The following F8 variants were observed in gnomAD, a reference collection of about 807,000 sequenced individuals.
The protein encoded by F8 is antihemophilic factor.
Under a neutral mutation model 140.6 loss-of-function variants are expected in F8, and 12 were observed. That is an observed-to-expected ratio of 0.09 (90% confidence interval 0.05 to 0.14). F8 has a LOEUF of 0.14. Ranked by LOEUF, F8 falls within the 10% of genes least tolerant of loss-of-function variation. The pLI is 1.00. For synonymous variants in F8, 585 were observed against 614.6 expected, an observed-to-expected ratio of 0.95 and a Z score of 0.71; for missense variants, 1,354 against 1,720.7, an observed-to-expected ratio of 0.79 and a Z score of 3.77.
At chrX:154,888,413 G>A (rs1302779986) in intron 22 of F8, among the ~76,000 whole-genome samples, 4 of 6,304 alleles carry the variant, frequency 6.3e-4, no homozygotes, top group Non-Finnish European at 1.1e-3. Flanking sequence ...TTTTCCCCCC[G>A]AGATGGAGTC....
intron 25 of F8, among the ~76,000 whole-genome samples, chrX:154,850,529 G>A (rs1443509034): frequency 9.6e-6 from 1 of 103,758 alleles, no homozygotes; most frequent in Non-Finnish European, 2.0e-5. Context: ...TCCCAGGCTG[G>A]AGTGCAGTGG....
At chrX:154,970,479 C>CT (rs2073450817) in intron 6 of F8, among the ~76,000 whole-genome samples, 1 of 111,530 alleles carries the variant, frequency 9.0e-6, no homozygotes, top group Non-Finnish European at 1.9e-5. Flanking sequence ...TACTGATAAA[C>CT]TTTTTTTACA....
intron 14 of F8, among the ~76,000 whole-genome samples, chrX:154,912,425 T>A (rs2124013071): frequency 8.9e-6 from 1 of 112,669 alleles, no homozygotes; most frequent in African/African-American, 3.2e-5. Context: ...CATGTGGATA[T>A]CCAGTTTTCC....
intron 14 of F8, among the ~76,000 whole-genome samples, chrX:154,907,984 C>T (rs1004089807): frequency 5.4e-5 from 6 of 110,715 alleles, no homozygotes; most frequent in Non-Finnish European, 1.1e-4. Flanking sequence ...TAAAAAAAAA[C>T]CTTATTGGCT....
intron 1 of F8, among the ~76,000 whole-genome samples, chrX:155,016,405 A>G (rs1028172794): frequency 1.8e-5 from 2 of 112,026 alleles, no homozygotes; most frequent in African/African-American, 3.2e-5. Flanking sequence ...CACTTACCAT[A>G]TGATCCAGCA....
chrX:154,856,048 CA>C (rs1557272448), intron 25 of F8, among the ~76,000 whole-genome samples: 1 of 112,168 alleles, frequency 8.9e-6, no homozygotes, highest in East Asian at 2.8e-4. Flanking sequence ...AGGCCTCTAA[CA>C]GTTTAATTGG....
intron 13 of F8, among the ~76,000 whole-genome samples, chrX:154,932,963 AGAGATT>A (rs1416437129): frequency 9.0e-6 from 1 of 111,506 alleles, no homozygotes; most frequent in Non-Finnish European, 1.9e-5. Flanking sequence ...GGAAACAATT[AGAGATT>A]CTCGTCAAAC....
intron 11 of F8, among the ~76,000 whole-genome samples, chrX:154,954,848 C>G (rs1370992229): frequency 8.9e-6 from 1 of 111,869 alleles, no homozygotes; most frequent in Non-Finnish European, 1.9e-5. Flanking sequence ...AAAATTTATA[C>G]TTCTCTGAGT....
intron 13 of F8, among the ~76,000 whole-genome samples, chrX:154,933,622 C>T (rs1033178923): frequency 2.7e-5 from 3 of 111,737 alleles, no homozygotes; most frequent in African/African-American, 6.5e-5. Flanking sequence ...TGTTTAAGGA[C>T]GAGAAAACAT....
chrX:154,942,050 C>A (rs1419004193), intron 13 of F8, among the ~76,000 whole-genome samples: 2 of 101,144 alleles, frequency 2.0e-5, no homozygotes, highest in Non-Finnish European at 4.0e-5. Flanking sequence ...ACTAAATGCC[C>A]ACAAGAGAAA....
chrX:154,888,408 C>CTTTTTTTTTTTA (rs1557274896), intron 22 of F8, among the ~76,000 whole-genome samples: 1 of 53,370 alleles, frequency 1.9e-5, no homozygotes, highest in East Asian at 5.8e-4. Flanking sequence ...TTTTTTTTTC[C>CTTTTTTTTTTTA]CCCCGAGATG....
chrX:154,953,246 T>C (rs1557280877), intron 12 of F8, among the ~76,000 whole-genome samples: 3 of 112,248 alleles, frequency 2.7e-5, no homozygotes, highest in Admixed American at 9.5e-5. Flanking sequence ...CATGTGACTA[T>C]ACCTGGAGAT....
At chrX:154,877,272 A>G (rs1557274095) in intron 22 of F8, among the ~76,000 whole-genome samples, 1 of 111,664 alleles carries the variant, frequency 9.0e-6, no homozygotes, top group East Asian at 2.8e-4. Context: ...ATGTCAAAAT[A>G]GGGAGAATAT....
In F8 at chrX:154,966,143, T is replaced by C; in HGVS notation, c.1272-2A>G. 8.3e-7 allele frequency: 1 copy of C among 1,205,965 alleles called. No individual in the cohort carries two copies. The highest frequency in any genetic ancestry group is 3.0e-5 in the East Asian group (1 of 33,831). On this transcript the variant is annotated splice_acceptor_variant, in intron 8 of 25. Transcript: ENST00000360256. LOFTEE classifies it high-confidence loss of function. ...TTCAAATATTGACTTTTATAACTTCTGTATAAGAGAAAAAAAGATGAGAGG... is the reference window on the plus strand; with the variant it reads ...TTCAAATATTGACTTTTATAACTTCCGTATAAGAGAAAAAAAGATGAGAGG...
chrX:154,945,110 G>A (rs1336433526), intron 13 of F8, among the ~76,000 whole-genome samples: 1 of 110,063 alleles, frequency 9.1e-6, no homozygotes, highest in Non-Finnish European at 1.9e-5. Flanking sequence ...CATGGCACAT[G>A]TATACATATG....
chrX:154,959,422 A>G (rs1390761598), intron 10 of F8, among the ~76,000 whole-genome samples: 1 of 111,798 alleles, frequency 8.9e-6, no homozygotes, highest in African/African-American at 3.3e-5. Context: ...CAAGCAATAC[A>G]TAGAATGATT....
chrX:154,860,483 G>A lies in F8; in HGVS notation c.6849C>T (p.Ser2283=), dbSNP rs1319284046. ...SMYVKEFLIS[S]SQDGHQWTLF... ...GAGTCCACTGATGGCCATCTTGACT[G>A]CTGGAGATGAGGAACTCCTTCACAT... Residue 2283 remains serine (S), a synonymous_variant, in exon 25 of 26, where the codon AGC becomes AGT. Transcript: ENST00000360256. The A allele has an allele frequency of 5.8e-6, 7 of 1,209,190 alleles. No homozygotes were observed. Among genetic ancestry groups the A allele is most frequent in the African/African-American group, 1.8e-5 (1 of 56,976 alleles).
intron 1 of F8, among the ~76,000 whole-genome samples, chrX:155,011,656 T>C (rs186824691): frequency 5.3e-5 from 6 of 112,245 alleles, no homozygotes; most frequent in Admixed American, 1.9e-4. Flanking sequence ...AATCCAAAAG[T>C]CCATCAACAG....
chrX:154,842,870 A>G (rs1359920185), intron 25 of F8, among the ~76,000 whole-genome samples: 1 of 111,444 alleles, frequency 9.0e-6, no homozygotes, highest in Non-Finnish European at 1.9e-5. Context: ...ATATGTATAC[A>G]TGTGCCATGT....
Sources: allele counts gnomAD v4.1 joint callset (sites outside exome capture counted in the v4.1 genomes callset), GRCh38; gene constraint gnomAD v4.1.1; transcripts MANE v1.5; gene names NCBI Gene and HGNC (gene_info 2026-07-23, HGNC 2026-07-21).